Variants in CCDC171 observed in about 807,000 individuals in gnomAD.
CCDC171 encodes the protein coiled-coil domain-containing protein 171.
CCDC171 carries 177 observed loss-of-function variants against 168.2 expected under a neutral mutation model. That is an observed-to-expected ratio of 1.05 (90% confidence interval 0.93 to 1.19). CCDC171 has a LOEUF of 1.19. Among genes scored for constraint, CCDC171 ranks in the 50% most tolerant of loss-of-function variants. The pLI is 0.00. For synonymous variants in CCDC171, 687 were observed against 540.8 expected (o/e 1.27, Z -3.75); for missense variants, 1,991 against 1,539.0 (o/e 1.29, Z -4.91).
At chr9:15,855,407 C>A (rs933665594) in intron 23 of CCDC171, among the ~76,000 whole-genome samples, 7 of 151,808 alleles carry the variant, frequency 4.6e-5, no homozygotes, top group Non-Finnish European at 1.5e-5. Context: ...CTTTTTCTGT[C>A]TTTTCACTTT....
chr9:15,895,609 A>G (rs1820800120), intron 24 of CCDC171, among the ~76,000 whole-genome samples: 1 of 152,076 alleles, frequency 6.6e-6, no homozygotes, highest in Non-Finnish European at 1.5e-5. Context: ...AAAACTCCTA[A>G]TGATGTCAAG....
intron 18 of CCDC171, among the ~76,000 whole-genome samples, chr9:15,762,981 C>G (rs1346201418): frequency 6.6e-6 from 1 of 152,176 alleles, no homozygotes; most frequent in Non-Finnish European, 1.5e-5. Context: ...ATTCAGGGGT[C>G]CCCAGGGCCA....
intron 21 of CCDC171, among the ~76,000 whole-genome samples, chr9:15,809,727 A>G (rs1199974415): frequency 1.3e-5 from 2 of 152,202 alleles, no homozygotes; most frequent in Middle Eastern, 3.2e-3. Context: ...TCATAAAGGC[A>G]GTGCGGACCC....
At chr9:15,602,437 T>C (rs1282141075) in intron 6 of CCDC171, among the ~76,000 whole-genome samples, 1 of 152,124 alleles carries the variant, frequency 6.6e-6, no homozygotes, top group African/African-American at 2.4e-5. Flanking sequence ...AAACTTGTTA[T>C]AATATTTCTC....
intron 9 of CCDC171, among the ~76,000 whole-genome samples, chr9:15,674,752 C>T (rs2049389232): frequency 6.6e-6 from 1 of 152,164 alleles, no homozygotes. Flanking sequence ...TCATCTTTTA[C>T]ATTTGCTGAG....
chr9:15,680,582 C>T (rs551085606), intron 10 of CCDC171, among the ~76,000 whole-genome samples: 1 of 152,224 alleles, frequency 6.6e-6, no homozygotes, highest in East Asian at 1.9e-4. Flanking sequence ...AAGATGTTTG[C>T]TGTGTTCTGA....
At chr9:15,638,294 G>C (rs962351844) in intron 7 of CCDC171, among the ~76,000 whole-genome samples, 14 of 151,970 alleles carry the variant, frequency 9.2e-5, no homozygotes, top group Non-Finnish European at 2.1e-4. Context: ...TTGTATATTA[G>C]TTAGTATATT....
downstream of CCDC171, among the ~76,000 whole-genome samples, chr9:15,977,301 G>A (rs548878919): frequency 4.1e-4 from 63 of 152,198 alleles, 1 homozygote; most frequent in South Asian, 9.6e-3. Context: ...ACTGTATCTT[G>A]TGGGCAAATT....
chr9:15,804,896 G>A (rs376330908), intron 21 of CCDC171, among the ~76,000 whole-genome samples: 1 of 151,840 alleles, frequency 6.6e-6, no homozygotes, highest in Non-Finnish European at 1.5e-5. Flanking sequence ...GGCTTTTTTT[G>A]GTTGGTAGGC....
At chr9:15,836,551 C>G (rs943877149) in intron 21 of CCDC171, among the ~76,000 whole-genome samples, 1 of 152,102 alleles carries the variant, frequency 6.6e-6, no homozygotes, top group Admixed American at 6.5e-5. Flanking sequence ...CGAGGTTTCA[C>G]TGTGTTAGCC....
chr9:15,655,141 C>T (rs1298314155), intron 7 of CCDC171, among the ~76,000 whole-genome samples: 1 of 151,086 alleles, frequency 6.6e-6, no homozygotes, highest in Non-Finnish European at 1.5e-5. Context: ...ATGTAACTAA[C>T]CTGCACATTG....
At chr9:16,035,665 G>A (rs375240172) in intron 7 of CCDC171, 2 of 152,156 alleles carry the variant, frequency 1.3e-5, no homozygotes, top group Non-Finnish European at 2.9e-5. Flanking sequence ...ACCTTTCTGT[G>A]AGCATGGCTT....
chr9:15,584,115 C>T (rs1011189232), intron 4 of CCDC171, among the ~76,000 whole-genome samples: 3 of 152,216 alleles, frequency 2.0e-5, no homozygotes, highest in Non-Finnish European at 2.9e-5. Flanking sequence ...GATCCACCCG[C>T]CTCGGCCTCC....
At chr9:15,714,065 A>G (rs1163166942) in intron 11 of CCDC171, among the ~76,000 whole-genome samples, 2 of 152,116 alleles carry the variant, frequency 1.3e-5, no homozygotes, top group Non-Finnish European at 2.9e-5. Context: ...TGCAGCAGCA[A>G]TTGGAGTCAT....
intron 3 of CCDC171, among the ~76,000 whole-genome samples, chr9:16,000,016 A>G (rs1411405791): frequency 2.6e-5 from 4 of 152,186 alleles, no homozygotes; most frequent in Non-Finnish European, 5.9e-5. Context: ...CTATTCTGAC[A>G]AAATCTAATA....
intron 14 of CCDC171, among the ~76,000 whole-genome samples, chr9:15,727,152 A>C (rs76483438): frequency 1.3e-5 from 2 of 150,970 alleles, no homozygotes; most frequent in South Asian, 4.2e-4. Flanking sequence ...AGCTATATCC[A>C]TTTTTTTTTG....
intron 23 of CCDC171, among the ~76,000 whole-genome samples, chr9:15,857,934 GAT>G (rs569030319): frequency 1.3e-4 from 20 of 151,170 alleles, no homozygotes; most frequent in Non-Finnish European, 2.4e-4. Flanking sequence ...CTATAGTTTT[GAT>G]ATATATATAT....
At chr9:15,760,937 A>T (rs1294382636) in intron 18 of CCDC171, among the ~76,000 whole-genome samples, 2 of 152,170 alleles carry the variant, frequency 1.3e-5, no homozygotes, top group African/African-American at 4.8e-5. Flanking sequence ...GAGATCATTT[A>T]CCTCAAACAG....
At chr9:15,665,925 C>T (rs1428965318) in intron 8 of CCDC171, among the ~76,000 whole-genome samples, 2 of 152,072 alleles carry the variant, frequency 1.3e-5, no homozygotes, top group African/African-American at 2.4e-5. Context: ...TTATATTGTA[C>T]CAGCCTATCT....
Sources: allele counts gnomAD v4.1 joint callset (sites outside exome capture counted in the v4.1 genomes callset), GRCh38; gene constraint gnomAD v4.1.1; transcripts MANE v1.5; gene names NCBI Gene and HGNC (gene_info 2026-07-23, HGNC 2026-07-21).